Variants in METTL8 observed in about 807,000 individuals in gnomAD.
The protein encoded by METTL8 is tRNA N(3)-cytidine methyltransferase METTL8, mitochondrial.
A neutral mutation model predicts 48.7 loss-of-function variants in METTL8; 32 were observed. The ratio of observed to expected loss-of-function variants is 0.66; its 90% CI spans 0.50 to 0.88. METTL8 has a LOEUF of 0.88. Among genes scored for constraint, METTL8 ranks in the 40% least tolerant of loss-of-function variants. METTL8 has a pLI of 0.00. For missense variants in METTL8, 464 were observed against 474.4 expected, an observed-to-expected ratio of 0.98 and a Z score of 0.20; for synonymous variants, 136 against 157.1, an observed-to-expected ratio of 0.87 and a Z score of 1.01.
intron 2 of METTL8, among the ~76,000 whole-genome samples, chr2:171,370,792 A>AAAAT (rs770329285): frequency 5.3e-4 from 80 of 152,224 alleles, no homozygotes; most frequent in South Asian, 1.9e-3. Context: ...CTCCGTCTCA[A>AAAAT]AAATAAATAA....
At chr2:171,429,855 T>G (rs1574267685) in intron 1 of METTL8, among the ~76,000 whole-genome samples, 1 of 150,806 alleles carries the variant, frequency 6.6e-6, no homozygotes, top group Non-Finnish European at 1.5e-5. Context: ...GCCTGACCAA[T>G]ATGATGAAAC....
chr2:171,330,654 A>G lies in METTL8; in HGVS notation c.765T>C (p.His255=). Residue 255 remains histidine, a synonymous_variant, in exon 7 of 10, where the codon CAT becomes CAC. Transcript: ENST00000375258. ...AAGGTAAGCCATCATCACATACATCATGAACAAAGGCAAAACACTGGGTTG... is the reference window on the plus strand; with the variant it reads ...AAGGTAAGCCATCATCACATACATCGTGAACAAAGGCAAAACACTGGGTTG... The part of the protein sequence containing the change: ...YRATQCFAFV[H]DVCDDGLPYP... The G allele has an allele frequency of 6.2e-7, 1 of 1,613,722 alleles. No individual in the cohort carries two copies. The highest frequency in any genetic ancestry group is 8.5e-7 in the Non-Finnish European group (1 of 1,179,802).
chr2:171,416,285 C>G (rs1432173012), intron 1 of METTL8, among the ~76,000 whole-genome samples: 1 of 152,216 alleles, frequency 6.6e-6, no homozygotes, highest in Non-Finnish European at 1.5e-5. Context: ...TACACCAGGA[C>G]AAGAGGATCT....
At chr2:171,392,453 G>A (rs542293181) in intron 1 of METTL8, among the ~76,000 whole-genome samples, 20 of 152,074 alleles carry the variant, frequency 1.3e-4, no homozygotes, top group Non-Finnish European at 2.5e-4. Flanking sequence ...TGCTTTGTTC[G>A]ATATTTTATT....
chr2:171,337,589 A>C, intron 4 of METTL8, 87 bp from the exon 5 acceptor site: 1 of 934,788 alleles, frequency 1.1e-6, no homozygotes, highest in Non-Finnish European at 1.6e-6. Context: ...AGAAAAAAAC[A>C]ATTAGACTTA....
At chr2:171,367,486 G>A (rs1685846345) in intron 2 of METTL8, among the ~76,000 whole-genome samples, 1 of 152,110 alleles carries the variant, frequency 6.6e-6, no homozygotes, top group African/African-American at 2.4e-5. Context: ...CAAAATTTGA[G>A]AGAATTTGTT....
At chr2:171,391,138 G>A (rs990360690) in intron 2 of METTL8, among the ~76,000 whole-genome samples, 2 of 152,294 alleles carry the variant, frequency 1.3e-5, no homozygotes, top group Admixed American at 6.5e-5. Flanking sequence ...CAACACTGAG[G>A]TAAGACCCTC....
chr2:171,423,270 G>A (rs1208421782), intron 1 of METTL8, among the ~76,000 whole-genome samples: 5 of 152,088 alleles, frequency 3.3e-5, no homozygotes, highest in East Asian at 3.9e-4. Flanking sequence ...TATTAGTAAC[G>A]TGAGAACAGA....
intron 3 of METTL8, among the ~76,000 whole-genome samples, chr2:171,341,735 T>C (rs995075893): frequency 6.6e-6 from 1 of 151,986 alleles, no homozygotes; most frequent in Non-Finnish European, 1.5e-5. Flanking sequence ...GATTTGGTGT[T>C]AGGTGAAAAA....
chr2:171,387,877 C>T (rs912737798), intron 2 of METTL8, among the ~76,000 whole-genome samples: 1 of 152,138 alleles, frequency 6.6e-6, no homozygotes, highest in Non-Finnish European at 1.5e-5. Flanking sequence ...GAATCACCTT[C>T]CTAGCCCCAG....
rs965846727 is a variant in METTL8 at position 171,319,543 on chromosome 2, G to A, written c.*4629C>T. The stretch of plus-strand genomic sequence containing the variant: ...TATCTGCATATGGGTGAATTTTCAC[G>A]TACAAGCTAGAGTACAGCAACGACT... On this transcript the variant is annotated 3_prime_UTR_variant, in exon 10 of 10. Coordinates refer to ENST00000375258, the MANE Select transcript of METTL8 (RefSeq NM_001321154.2). 1.1e-4 allele frequency: 16 copies of A among 152,306 alleles called. No homozygotes were observed. Among genetic ancestry groups the A allele is most frequent in the Non-Finnish European group, 1.8e-4 (12 of 68,026 alleles). The allele number at this position is 152,306 out of a possible 1,614,324, so 9.4% of individuals were successfully genotyped here. A position where few individuals can be genotyped will look rare whatever the true frequency, so the allele number is the denominator to read the frequency against.
chr2:171,434,527 G>A (rs900728420), upstream of METTL8: 28 of 1,522,934 alleles, frequency 1.8e-5, no homozygotes, highest in Non-Finnish European at 2.4e-5. Context: ...ACGGGAGTGT[G>A]GGGCGCGCCA....
intron 2 of METTL8, among the ~76,000 whole-genome samples, chr2:171,388,058 C>G (rs896324880): frequency 4.0e-4 from 61 of 152,298 alleles, no homozygotes; most frequent in African/African-American, 1.4e-3. Context: ...ATGTCTAAAA[C>G]CAAATTAACC....
intron 2 of METTL8, among the ~76,000 whole-genome samples, chr2:171,372,981 T>A (rs1316133076): frequency 6.6e-6 from 1 of 152,234 alleles, no homozygotes; most frequent in Non-Finnish European, 1.5e-5. Context: ...TGATTTATAA[T>A]CCTTTGGGTA....
At chr2:171,357,771 T>G (rs1017912831) in intron 3 of METTL8, among the ~76,000 whole-genome samples, 4 of 152,092 alleles carry the variant, frequency 2.6e-5, no homozygotes, top group African/African-American at 9.7e-5. Flanking sequence ...TACAGCTTAC[T>G]GCAGCCTCAA....
In METTL8 at chr2:171,430,568, T is replaced by C. The variant is rs565638046; in HGVS notation, c.-13+3315A>G. On this transcript the variant is annotated intron_variant, in intron 1 of 9. Transcript: ENST00000375258. Reference sequence around the variant, plus strand: ...AATAAATAAATAAGAAATTCTGCTATGGGTGTTCGGAGCTGCTGAAAGAAT... The same window carrying C: ...AATAAATAAATAAGAAATTCTGCTACGGGTGTTCGGAGCTGCTGAAAGAAT... 3.3e-5 allele frequency among the ~76,000 whole-genome samples: 5 copies of C among 152,278 alleles called. No homozygotes were observed. The East Asian group carries it at 9.6e-4, about 29-fold the overall frequency.
At chr2:171,358,934 A>G (rs927971919) in intron 3 of METTL8, among the ~76,000 whole-genome samples, 3 of 152,176 alleles carry the variant, frequency 2.0e-5, no homozygotes, top group African/African-American at 7.2e-5. Flanking sequence ...ACAAGGGATT[A>G]ATAATGGGAA....
At chr2:171,383,245 T>A in intron 2 of METTL8, among the ~76,000 whole-genome samples, 1 of 152,116 alleles carries the variant, frequency 6.6e-6, no homozygotes, top group Non-Finnish European at 1.5e-5. Flanking sequence ...CCCATTGAGA[T>A]TCTGTAAACT....
chr2:171,425,837 T>A (rs1692355429), intron 1 of METTL8, among the ~76,000 whole-genome samples: 2 of 152,138 alleles, frequency 1.3e-5, no homozygotes, highest in South Asian at 4.1e-4. Context: ...GATAAGAATG[T>A]CTATAACAGC....
Sources: gnomAD v4.1 joint callset for allele counts (sites outside exome capture counted in the v4.1 genomes callset) on GRCh38, gnomAD v4.1.1 for gene constraint, MANE v1.5 for transcripts, NCBI Gene and HGNC (gene_info 2026-07-23, HGNC 2026-07-21) for gene names.